The following OPCML variants were observed in gnomAD, a reference collection of about 807,000 sequenced individuals.
The protein encoded by OPCML is opioid binding protein/cell adhesion molecule like.
A neutral mutation model predicts 37.8 loss-of-function variants in OPCML; 13 were observed. The ratio of observed to expected loss-of-function variants is 0.34; its 90% CI spans 0.22 to 0.55. OPCML has a LOEUF of 0.55. Ranked by LOEUF, OPCML falls within the 20% of genes least tolerant of loss-of-function variation. OPCML has a pLI of 0.91. For synonymous variants in OPCML, 176 were observed against 168.8 expected (o/e 1.04, Z -0.33); for missense variants, 341 against 435.6 (o/e 0.78, Z 1.93).
At chr11:132,602,517 A>G (rs2137787471) in intron 3 of OPCML, among the ~76,000 whole-genome samples, 1 of 152,296 alleles carries the variant, frequency 6.6e-6, no homozygotes, top group South Asian at 2.1e-4. Flanking sequence ...CCGGAAGGCA[A>G]GAGTTTGGTT....
intron 1 of OPCML, among the ~76,000 whole-genome samples, chr11:133,257,747 A>T (rs1032161150): frequency 6.6e-6 from 1 of 152,152 alleles, no homozygotes; most frequent in Non-Finnish European, 1.5e-5. Context: ...GTTATGACTT[A>T]TGCCAACCAT....
chr11:132,641,908 G>A (rs909892326), intron 3 of OPCML, among the ~76,000 whole-genome samples: 1 of 152,170 alleles, frequency 6.6e-6, no homozygotes, highest in Non-Finnish European at 1.5e-5. Context: ...TGTCATTCAG[G>A]GCTCACATCG....
At chr11:133,222,682 G>A (rs1939887967) in intron 1 of OPCML, among the ~76,000 whole-genome samples, 1 of 152,102 alleles carries the variant, frequency 6.6e-6, no homozygotes, top group Non-Finnish European at 1.5e-5. Context: ...TTATGTAGCT[G>A]TCTTCATCTA....
intron 2 of OPCML, among the ~76,000 whole-genome samples, chr11:132,804,207 G>A (rs1405904559): frequency 6.6e-6 from 1 of 152,118 alleles, no homozygotes; most frequent in Admixed American, 6.5e-5. Flanking sequence ...GTCAAAGCAA[G>A]GTGAGCCCCA....
intron 1 of OPCML, among the ~76,000 whole-genome samples, chr11:133,402,887 A>T (rs1469069454): frequency 6.6e-6 from 1 of 152,166 alleles, no homozygotes; most frequent in Non-Finnish European, 1.5e-5. Flanking sequence ...TGTAATGATA[A>T]ATCAGCCCAA....
chr11:133,291,917 G>A (rs140601195), intron 1 of OPCML, among the ~76,000 whole-genome samples: 2,038 of 152,364 alleles, frequency 0.013, 17 homozygotes, highest in Non-Finnish European at 0.02. Context: ...AAGCCAGCTC[G>A]CTCTGGATGT....
intron 2 of OPCML, among the ~76,000 whole-genome samples, chr11:132,823,870 T>C (rs1269830253): frequency 6.6e-6 from 1 of 152,160 alleles, no homozygotes; most frequent in Non-Finnish European, 1.5e-5. Context: ...CGGATGGCCA[T>C]GCCATCTTCC....
At chr11:133,281,350 T>G (rs1942149529) in intron 1 of OPCML, among the ~76,000 whole-genome samples, 1 of 152,074 alleles carries the variant, frequency 6.6e-6, no homozygotes, top group Non-Finnish European at 1.5e-5. Context: ...TGAGCTGATG[T>G]GAGATCTGGT....
At chr11:132,991,461 G>A (rs1487186882) in intron 1 of OPCML, among the ~76,000 whole-genome samples, 1 of 152,156 alleles carries the variant, frequency 6.6e-6, no homozygotes, top group Admixed American at 6.5e-5. Flanking sequence ...TGCAACTAAT[G>A]TCTTATTTAG....
chr11:133,293,614 G>A (rs1304473618), intron 1 of OPCML, among the ~76,000 whole-genome samples: 1 of 152,166 alleles, frequency 6.6e-6, no homozygotes, highest in Admixed American at 6.5e-5. Flanking sequence ...AAACGGATCT[G>A]AGTTCTGGAC....
chr11:133,309,960 T>C (rs1251110147), intron 1 of OPCML, among the ~76,000 whole-genome samples: 3 of 152,172 alleles, frequency 2.0e-5, no homozygotes, highest in Non-Finnish European at 4.4e-5. Context: ...GACATCCAGA[T>C]GGACATGCAA....
At chr11:133,266,134 GT>G (rs1040678989) in intron 1 of OPCML, among the ~76,000 whole-genome samples, 1 of 152,106 alleles carries the variant, frequency 6.6e-6, no homozygotes, top group Non-Finnish European at 1.5e-5. Context: ...AAACAAACCT[GT>G]TTTGTTAAAG....
chr11:132,731,803 AGTCAT>A (rs2136011465), intron 2 of OPCML, among the ~76,000 whole-genome samples: 1 of 152,344 alleles, frequency 6.6e-6, no homozygotes, highest in East Asian at 1.9e-4. Flanking sequence ...ACACAATTTA[AGTCAT>A]GGCAAAAAGA....
chr11:133,182,575 A>T (rs2136287882), intron 1 of OPCML, among the ~76,000 whole-genome samples: 1 of 152,300 alleles, frequency 6.6e-6, no homozygotes, highest in South Asian at 2.1e-4. Flanking sequence ...TGTCTCTAAA[A>T]GGGGTATCCT....
Position 132,629,441 on chromosome 11 carries a change from G to A in OPCML, c.379+27646C>T, listed in dbSNP as rs183315471. ...CTTGGACCACACAGACATGACCTTA[G>A]CTATGATCGGCTAATTTACATATAA... On this transcript the variant is annotated intron_variant, in intron 3 of 7. Transcript: ENST00000524381. Among the ~76,000 whole-genome samples, 19 of 152,214 alleles carry A rather than the reference G, an allele frequency of 1.2e-4. No individual in the cohort carries two copies. The East Asian group carries it at 2.1e-3, about 17-fold the overall frequency.
chr11:133,276,701 C>G (rs1411261169), intron 1 of OPCML, among the ~76,000 whole-genome samples: 1 of 152,120 alleles, frequency 6.6e-6, no homozygotes, highest in Admixed American at 6.5e-5. Context: ...TCTGGAGTAT[C>G]TGAAACTGTT....
chr11:133,416,825 A>G (rs962513461), intron 1 of OPCML, among the ~76,000 whole-genome samples: 3 of 152,168 alleles, frequency 2.0e-5, no homozygotes, highest in Non-Finnish European at 4.4e-5. Context: ...ACCTGATTTT[A>G]TGCTAAAGAA....
In OPCML at chr11:133,000,403, G is replaced by A. The variant is rs376928199; in HGVS notation, c.62-57393C>T. ...GCTGGGATTACAGGCGTGAGCCACC[G>A]CGCTCATCCTGAAAGTGTGTCAGAA... On this transcript the variant is annotated intron_variant, in intron 1 of 7. Coordinates refer to ENST00000524381, the MANE Select transcript of OPCML (RefSeq NM_001012393.5). Among the ~76,000 whole-genome samples the A allele has an allele frequency of 3.0e-4, 45 of 152,274 alleles. 1 individual carries two copies. The highest frequency in any genetic ancestry group is 2.0e-3 in the Admixed American group (30 of 15,286).
intron 1 of OPCML, among the ~76,000 whole-genome samples, chr11:133,283,257 G>A (rs767955601): frequency 2.6e-5 from 4 of 152,070 alleles, no homozygotes; most frequent in African/African-American, 7.2e-5. Flanking sequence ...TTTCAGTCAC[G>A]GGGGCAGATC....
Sources: allele counts gnomAD v4.1 joint callset (sites outside exome capture counted in the v4.1 genomes callset), GRCh38; gene constraint gnomAD v4.1.1; transcripts MANE v1.5; gene names NCBI Gene and HGNC (gene_info 2026-07-23, HGNC 2026-07-21).